ATRNL1: variants seen among roughly 807,000 people sequenced by gnomAD.
ATRNL1 encodes attractin like 1.
Under a neutral mutation model 182.7 loss-of-function variants are expected in ATRNL1, and 95 were observed. That is an observed-to-expected ratio of 0.52 (90% CI 0.44 to 0.62). The LOEUF is 0.62. ATRNL1 is among the 20% of genes least tolerant of loss of function. The pLI, the probability that ATRNL1 is intolerant of heterozygous loss-of-function variation, is 0.00. For missense variants in ATRNL1, 1,471 were observed against 1,679.5 expected (o/e 0.88, Z 2.17); for synonymous variants, 576 against 568.3 (o/e 1.01, Z -0.19).
At chr10:115,451,614 A>G (rs1379683240) in intron 21 of ATRNL1, among the ~76,000 whole-genome samples, 1 of 152,154 alleles carries the variant, frequency 6.6e-6, no homozygotes, top group Admixed American at 6.6e-5. Context: ...AAAATAACAG[A>G]TGCTGGTGAG....
At chr10:115,160,850 A>G (rs1846750749) in intron 6 of ATRNL1, among the ~76,000 whole-genome samples, 1 of 151,938 alleles carries the variant, frequency 6.6e-6, no homozygotes, top group South Asian at 2.1e-4. Flanking sequence ...TTCCAGGGGT[A>G]GTGTTCATAT....
chr10:115,800,734 A>C (rs1016603028), intron 27 of ATRNL1, among the ~76,000 whole-genome samples: 5 of 152,182 alleles, frequency 3.3e-5, no homozygotes, highest in Admixed American at 2.0e-4. Context: ...TGAGGTCATG[A>C]GGGTGAGTTT....
chr10:115,597,117 A>G (rs918617181), intron 26 of ATRNL1, among the ~76,000 whole-genome samples: 3 of 152,170 alleles, frequency 2.0e-5, no homozygotes, highest in Non-Finnish European at 4.4e-5. Flanking sequence ...GATTATATTT[A>G]CTCCAAAGGA....
At chr10:115,184,060 G>A (rs993393342) in intron 8 of ATRNL1, among the ~76,000 whole-genome samples, 1 of 151,112 alleles carries the variant, frequency 6.6e-6, no homozygotes, top group Non-Finnish European at 1.5e-5. Flanking sequence ...AGATAATTAA[G>A]TATAATTAAG....
intron 18 of ATRNL1, among the ~76,000 whole-genome samples, chr10:115,320,819 C>T (rs1324066450): frequency 1.3e-5 from 2 of 152,086 alleles, no homozygotes; most frequent in African/African-American, 2.4e-5. Context: ...TTCTTAGCTT[C>T]CTTTAGCTCA....
At chr10:115,640,022 G>GA (rs1859137120) in intron 26 of ATRNL1, among the ~76,000 whole-genome samples, 2 of 151,746 alleles carry the variant, frequency 1.3e-5, no homozygotes, top group Admixed American at 1.3e-4. Context: ...TATTCAACTC[G>GA]AACATCCCGT....
chr10:115,490,242 T>C (rs535809511), intron 24 of ATRNL1, among the ~76,000 whole-genome samples: 1 of 152,148 alleles, frequency 6.6e-6, no homozygotes, highest in Non-Finnish European at 1.5e-5. Context: ...TGTGGTGTTC[T>C]CTGTATTTCC....
intron 27 of ATRNL1, among the ~76,000 whole-genome samples, chr10:115,819,086 T>TTTTTTTAAAGAGA (rs1555089444): frequency 6.6e-6 from 1 of 152,054 alleles, no homozygotes; most frequent in East Asian, 1.9e-4. Flanking sequence ...CAGGCATCCC[T>TTTTTTTAAAGAGA]CCTAGGCTCT....
chr10:115,846,362 G>A (rs1950927956), intron 27 of ATRNL1, among the ~76,000 whole-genome samples: 1 of 151,976 alleles, frequency 6.6e-6, no homozygotes, highest in South Asian at 2.1e-4. Flanking sequence ...TTACAAGAAA[G>A]CAGGCATATT....
chr10:115,160,273 C>CT (rs1240378346), intron 6 of ATRNL1, 59 bp downstream of exon 6: 5,593 of 1,267,150 alleles, frequency 4.4e-3, no homozygotes, highest in East Asian at 7.3e-3. Context: ...TCCAAAATGT[C>CT]TTTTTTTTTT....
intron 24 of ATRNL1, among the ~76,000 whole-genome samples, chr10:115,504,150 AC>A (rs1849990193): frequency 6.6e-6 from 1 of 152,002 alleles, no homozygotes; most frequent in Non-Finnish European, 1.5e-5. Flanking sequence ...CATTACATTT[AC>A]CTAATTATTT....
chr10:115,489,826 T>A (rs1379743571), intron 24 of ATRNL1, among the ~76,000 whole-genome samples: 1 of 152,226 alleles, frequency 6.6e-6, no homozygotes, highest in Non-Finnish European at 1.5e-5. Flanking sequence ...GCATTGATGG[T>A]CTTTGCAATT....
chr10:115,864,210 G>A (rs532926960), intron 28 of ATRNL1, among the ~76,000 whole-genome samples: 1 of 151,404 alleles, frequency 6.6e-6, no homozygotes, highest in Admixed American at 6.6e-5. Context: ...AGTAAGCTGA[G>A]ATTGCACCAC....
rs1847485982 is a variant in ATRNL1, at chr10:115,175,919, C to T, written c.1348+4627C>T. On this transcript the variant is annotated intron_variant, in intron 8 of 28. Coordinates refer to ENST00000355044, the MANE Select transcript of ATRNL1 (RefSeq NM_207303.4). The stretch of plus-strand genomic sequence containing the variant: ...CACAGTGGTTGAACTAGTTCACATT[C>T]CCACCAACAGTGTAAAAGTGTTCCT... Among the ~76,000 whole-genome samples the T allele has an allele frequency of 2.6e-5, 4 of 152,238 alleles. No homozygotes were observed. In the South Asian group the frequency reaches 8.3e-4, roughly 32 times the overall value.
chr10:115,682,700 A>G (rs912409939), intron 26 of ATRNL1, among the ~76,000 whole-genome samples: 1 of 151,976 alleles, frequency 6.6e-6, no homozygotes, highest in Non-Finnish European at 1.5e-5. Flanking sequence ...GATGATGATG[A>G]TAGAAGAGCC....
chr10:115,219,984 A>G (rs1554897073), intron 9 of ATRNL1, among the ~76,000 whole-genome samples: 2 of 152,184 alleles, frequency 1.3e-5, no homozygotes, highest in African/African-American at 2.4e-5. Context: ...ATATTGCACA[A>G]AAACAAACGT....
chr10:115,313,090 G>A (rs1303986758), intron 17 of ATRNL1, among the ~76,000 whole-genome samples: 1 of 151,694 alleles, frequency 6.6e-6, no homozygotes, highest in Non-Finnish European at 1.5e-5. Flanking sequence ...ATCTCCTTGA[G>A]TAACATAGTA....
At chr10:115,831,033 C>T (rs1950547546) in intron 27 of ATRNL1, among the ~76,000 whole-genome samples, 1 of 152,116 alleles carries the variant, frequency 6.6e-6, no homozygotes, top group Non-Finnish European at 1.5e-5. Flanking sequence ...TTTCCTGTCC[C>T]ACATTCTTCA....
intron 26 of ATRNL1, among the ~76,000 whole-genome samples, chr10:115,560,601 C>T (rs959889018): frequency 6.6e-6 from 1 of 152,114 alleles, no homozygotes; most frequent in Non-Finnish European, 1.5e-5. Flanking sequence ...CCAAACTTAT[C>T]TACAAATTCA....
Sources: gnomAD v4.1 joint callset for allele counts (sites outside exome capture counted in the v4.1 genomes callset) on GRCh38, gnomAD v4.1.1 for gene constraint, MANE v1.5 for transcripts, NCBI Gene and HGNC (gene_info 2026-07-23, HGNC 2026-07-21) for gene names.